DAPK2: variants seen among roughly 807,000 people sequenced by gnomAD.
The protein encoded by DAPK2 is death associated protein kinase 2.
A neutral mutation model predicts 44.1 loss-of-function variants in DAPK2; 35 were observed. The observed-to-expected ratio is 0.79, with a 90% CI of 0.61 to 1.05. DAPK2 has a LOEUF of 1.05. Among genes scored for constraint, DAPK2 ranks in the 50% least tolerant of loss-of-function variants. The pLI is 0.00. For missense variants in DAPK2, 453 were observed against 483.2 expected, an observed-to-expected ratio of 0.94 and a Z score of 0.59; for synonymous variants, 174 against 182.6, an observed-to-expected ratio of 0.95 and a Z score of 0.38.
chr15:64,015,164 C>A (rs1169006555), intron 1 of DAPK2, among the ~76,000 whole-genome samples: 1 of 152,172 alleles, frequency 6.6e-6, no homozygotes, highest in Non-Finnish European at 1.5e-5. Context: ...CAGCTGCAGT[C>A]TGGCAGGAGA....
chr15:64,023,251 T>C (rs2079743803), intron 1 of DAPK2, among the ~76,000 whole-genome samples: 1 of 152,164 alleles, frequency 6.6e-6, no homozygotes, highest in Admixed American at 6.5e-5. Flanking sequence ...CAGGGCAGGC[T>C]TCTGGGAGGA....
At chr15:63,973,599 T>C (rs1430676672) in intron 2 of DAPK2, among the ~76,000 whole-genome samples, 2 of 152,248 alleles carry the variant, frequency 1.3e-5, no homozygotes, top group Non-Finnish European at 2.9e-5. Context: ...GAATCATACC[T>C]TGAGTCTCAC....
At chr15:64,032,645 T>C (rs2080048965) in intron 1 of DAPK2, among the ~76,000 whole-genome samples, 1 of 152,094 alleles carries the variant, frequency 6.6e-6, no homozygotes, top group South Asian at 2.1e-4. Context: ...CAAAGATTAG[T>C]AGGCAAGATT....
At chr15:63,960,065 T>C (rs1175961872) in intron 3 of DAPK2, among the ~76,000 whole-genome samples, 1 of 152,262 alleles carries the variant, frequency 6.6e-6, no homozygotes, top group African/African-American at 2.4e-5. Context: ...ATTCAACTTC[T>C]TCCTGGTTTA....
chr15:63,956,582 C>A (rs543931598), intron 3 of DAPK2, among the ~76,000 whole-genome samples: 16 of 151,582 alleles, frequency 1.1e-4, no homozygotes, highest in South Asian at 2.1e-4. Flanking sequence ...GATATGATTT[C>A]AATTTAAATT....
At chr15:63,979,756 T>C (rs2078451115) in intron 2 of DAPK2, among the ~76,000 whole-genome samples, 1 of 151,194 alleles carries the variant, frequency 6.6e-6, no homozygotes, top group South Asian at 2.1e-4. Flanking sequence ...CTACTAAAAA[T>C]ACAAAAAAAA....
At chr15:64,022,660 TAAC>T (rs1041182161) in intron 1 of DAPK2, among the ~76,000 whole-genome samples, 24 of 152,024 alleles carry the variant, frequency 1.6e-4, no homozygotes, top group African/African-American at 5.8e-4. Flanking sequence ...TACAAAAAAA[TAAC>T]AAAAAATTAG....
chr15:64,023,949 G>A (rs2079762692), intron 1 of DAPK2, among the ~76,000 whole-genome samples: 1 of 152,148 alleles, frequency 6.6e-6, no homozygotes, highest in African/African-American at 2.4e-5. Flanking sequence ...GAGGCCTGGG[G>A]TCCAATCAGG....
At chr15:63,943,668 T>C (rs995583329) in intron 3 of DAPK2, among the ~76,000 whole-genome samples, 9 of 151,140 alleles carry the variant, frequency 6.0e-5, no homozygotes. Flanking sequence ...AGGTCAGGAG[T>C]TCAAGACCAG....
chr15:63,937,249 G>C (rs1162796521), intron 4 of DAPK2, among the ~76,000 whole-genome samples: 2 of 152,098 alleles, frequency 1.3e-5, no homozygotes, highest in Non-Finnish European at 2.9e-5. Flanking sequence ...AACCATACTG[G>C]CTCACAAAAG....
At position 63,952,027 on chromosome 15, in the gene DAPK2, G is replaced by A. The variant is rs993479353; in HGVS notation, c.454-12666C>T. 2.6e-5 allele frequency among the ~76,000 whole-genome samples: 4 copies of A among 152,288 alleles called. No homozygotes were observed. In the East Asian group the frequency reaches 7.7e-4, roughly 29 times the overall value. On this transcript the variant is annotated intron_variant, in intron 3 of 10. Transcript: ENST00000261891. ...GGCTGAGGCGGGCGGATCACTTGAG[G>A]TCAGGAGTTCGAGACCAGCCTGGCC...
Position 64,024,436 on chromosome 15 carries a change from G to A in DAPK2, c.92+15734C>T, listed in dbSNP as rs570600182. Among the ~76,000 whole-genome samples, 10 of 152,108 alleles carry A rather than the reference G, an allele frequency of 6.6e-5. 1 individual carries two copies. Among genetic ancestry groups the A allele is most frequent in the East Asian group, 3.9e-4 (2 of 5,188 alleles). ...TGGAATGGAATGCTTATTCTTATTC[G>A]GACATTAAAGGACAGAGACCCCAGA... On this transcript the variant is annotated intron_variant, in intron 1 of 10. Coordinates refer to ENST00000261891, the Ensembl canonical transcript of DAPK2.
chr15:63,930,726 G>A (rs1398835534), intron 4 of DAPK2, among the ~76,000 whole-genome samples: 2 of 152,168 alleles, frequency 1.3e-5, no homozygotes, highest in African/African-American at 2.4e-5. Context: ...ATTAGGTCAT[G>A]AGAATGGAAA....
chr15:63,913,159 G>A (rs9302232), intron 8 of DAPK2, among the ~76,000 whole-genome samples: 39,568 of 151,994 alleles, frequency 0.26, 6,393 homozygotes, highest in Non-Finnish European at 0.35. Flanking sequence ...AGACATATCC[G>A]TAGAAACAAA....
chr15:64,036,338 C>CATATATATATATATACGT (rs2080206223), intron 1 of DAPK2, among the ~76,000 whole-genome samples: 1 of 42,960 alleles, frequency 2.3e-5, no homozygotes, highest in Non-Finnish European at 6.5e-5. Context: ...TATATATATA[C>CATATATATATATATACGT]ATATATATAT....
At chr15:63,952,140 G>A (rs184868718) in intron 3 of DAPK2, among the ~76,000 whole-genome samples, 13 of 152,204 alleles carry the variant, frequency 8.5e-5, no homozygotes, top group African/African-American at 1.7e-4. Context: ...CTCAGGAGGC[G>A]GAGGGAGGAG....
chr15:64,019,741 A>C (rs1436249417), intron 1 of DAPK2, among the ~76,000 whole-genome samples: 1 of 152,210 alleles, frequency 6.6e-6, no homozygotes, highest in Non-Finnish European at 1.5e-5. Context: ...TGAATAAGCC[A>C]GCCAGACAGT....
At chr15:64,011,094 T>C (rs978686545) in intron 1 of DAPK2, among the ~76,000 whole-genome samples, 1 of 152,136 alleles carries the variant, frequency 6.6e-6, no homozygotes, top group Non-Finnish European at 1.5e-5. Context: ...GGCAGGACAA[T>C]GGAACAGATA....
chr15:63,929,957 T>C (rs2079476486), intron 5 of DAPK2: 4 of 442,192 alleles, frequency 9.0e-6, no homozygotes, highest in Middle Eastern at 7.0e-4. Flanking sequence ...CTTGGCCAAC[T>C]ATAAAGCAGC....
Sources: allele counts gnomAD v4.1 joint callset (sites outside exome capture counted in the v4.1 genomes callset), GRCh38; gene constraint gnomAD v4.1.1; transcripts MANE v1.5; gene names NCBI Gene and HGNC (gene_info 2026-07-23, HGNC 2026-07-21).